Variants in PCDHGA12 observed in about 807,000 individuals in gnomAD.
PCDHGA12 encodes protocadherin gamma subfamily A, 12.
A neutral mutation model predicts 61.1 loss-of-function variants in PCDHGA12; 43 were observed. That is an observed-to-expected ratio of 0.70 (90% confidence interval 0.55 to 0.91). The LOEUF (loss-of-function observed/expected upper bound fraction) is 0.91. Ranked by LOEUF, PCDHGA12 falls within the 40% of genes least tolerant of loss-of-function variation. The pLI is 0.00. For synonymous variants in PCDHGA12, 520 were observed against 542.9 expected (o/e 0.96, Z 0.59); for missense variants, 1,236 against 1,227.7 (o/e 1.01, Z -0.10).
In PCDHGA12 at chr5:141,489,950, A is replaced by G; in HGVS notation, c.2425-4857A>G. 2 of 1,614,192 alleles carry G rather than the reference A, an allele frequency of 1.2e-6. No individual in the cohort carries two copies. The highest frequency in any genetic ancestry group is 1.1e-5 in the South Asian group (1 of 91,088). ...TCTGTCATCGTGCTGGACATCAATG[A>G]TAATGCTCCAACCTTCCAATCCTCA... On this transcript the variant is annotated intron_variant, in intron 1 of 3. Transcript: ENST00000252085. The surrounding 1 kb of genome is among the most constrained non-coding windows in gnomAD (Gnocchi z 4.5).
intron 1 of PCDHGA12, among the ~76,000 whole-genome samples, chr5:141,481,126 A>G (rs2099532217): frequency 6.6e-6 from 1 of 152,222 alleles, no homozygotes. Context: ...CATTTAGCAT[A>G]TTTGTGAAGT....
Position 141,491,405 on chromosome 5 carries a change from A to C in PCDHGA12, c.2425-3402A>C. 6.2e-7 allele frequency: 1 copy of C among 1,614,096 alleles called. No individual in the cohort carries two copies. Among genetic ancestry groups the C allele is most frequent in the Non-Finnish European group, 8.5e-7 (1 of 1,179,998 alleles). On this transcript the variant is annotated intron_variant, in intron 1 of 3. Coordinates refer to ENST00000252085, the MANE Select transcript of PCDHGA12 (RefSeq NM_003735.3). This position sits in a 1 kb window ranked among gnomAD's most constrained non-coding sequence, Gnocchi z 6.9. ...GCGAAGTGCCTTCAGGGAAACGCAG[A>C]CGGGGACGGGGGTGGAGGGCAGTGC... is the stretch of plus-strand genomic sequence containing the variant.
In PCDHGA12 at chr5:141,510,992, T is replaced by C. The variant is rs879030278; in HGVS notation, c.2618T>C (p.Met873Thr). The change falls in exon 4 of 4, where the codon ATG (methionine) becomes ACG (threonine). Residue 873 changes from methionine to threonine, a missense_variant. By Grantham distance (81) the Met-to-Thr change is moderately conservative. Coordinates refer to ENST00000252085, the MANE Select transcript of PCDHGA12 (RefSeq NM_003735.3). ...SSTLGGGAGT[M>T]GLSARYGPQF... is the part of the protein sequence containing the mutation. ...ACCCTGGGAGGGGGTGCCGGCACCA[T>C]GGGATTGAGCGCCCGCTACGGACCC... The C allele has an allele frequency of 1.9e-6, 3 of 1,614,164 alleles. No individual in the cohort carries two copies. The highest frequency in any genetic ancestry group is 2.5e-6 in the Non-Finnish European group (3 of 1,180,006).
At chr5:141,453,932 C>T (rs57919166) in intron 1 of PCDHGA12, among the ~76,000 whole-genome samples, 2 of 152,296 alleles carry the variant, frequency 1.3e-5, no homozygotes, top group African/African-American at 4.8e-5. Context: ...TCACTGTGTG[C>T]CTATAATTTA....
chr5:141,511,267 C>G lies in PCDHGA12; in HGVS notation c.*94C>G. The G allele has an allele frequency of 6.5e-7, 1 of 1,549,404 alleles. No homozygotes were observed. The highest frequency in any genetic ancestry group is 8.7e-7 in the Non-Finnish European group (1 of 1,146,836). On this transcript the variant is annotated 3_prime_UTR_variant, in exon 4 of 4. Coordinates refer to ENST00000252085, the MANE Select transcript of PCDHGA12 (RefSeq NM_003735.3). Reference sequence around the variant, plus strand: ...CCAGGCCTCAGAGTTTCAGGGCTAACCCCCAGAATACTGGTAGGGGCCAAG... The same window carrying G: ...CCAGGCCTCAGAGTTTCAGGGCTAAGCCCCAGAATACTGGTAGGGGCCAAG...
intron 1 of PCDHGA12, among the ~76,000 whole-genome samples, chr5:141,452,835 C>A (rs2098750110): frequency 6.6e-6 from 1 of 152,154 alleles, no homozygotes; most frequent in Admixed American, 6.5e-5. Flanking sequence ...TCACTTGGTC[C>A]AGCCCACACT....
chr5:141,503,260 C>A (rs2154593294), intron 2 of PCDHGA12, among the ~76,000 whole-genome samples: 1 of 152,178 alleles, frequency 6.6e-6, no homozygotes, highest in African/African-American at 2.4e-5. Flanking sequence ...ACAGCCACAA[C>A]CCCAGCACCT....
At chr5:141,434,952 C>T (rs1362599956) in intron 1 of PCDHGA12, among the ~76,000 whole-genome samples, 2 of 151,756 alleles carry the variant, frequency 1.3e-5, no homozygotes, top group East Asian at 3.9e-4. Flanking sequence ...AATTTATTAA[C>T]AATTTATAAA....
intron 1 of PCDHGA12, among the ~76,000 whole-genome samples, chr5:141,443,812 G>A (rs1441798548): frequency 6.6e-6 from 1 of 151,990 alleles, no homozygotes; most frequent in Admixed American, 6.6e-5. Flanking sequence ...AGTTACCTTT[G>A]GAAAACATAA....
chr5:141,499,150 T>C (rs1424635509), intron 2 of PCDHGA12, among the ~76,000 whole-genome samples: 5 of 152,180 alleles, frequency 3.3e-5, no homozygotes, highest in Non-Finnish European at 1.5e-5. Context: ...CTGATCCCAA[T>C]AGCTGTTGTC....
Position 141,490,012 on chromosome 5 carries a change from G to A in PCDHGA12, c.2425-4795G>A. 1 of 1,614,232 alleles carries A rather than the reference G, an allele frequency of 6.2e-7. No homozygotes were observed. Among genetic ancestry groups the A allele is most frequent in the Non-Finnish European group, 8.5e-7 (1 of 1,180,044 alleles). ...GGGAATCCCAGAGAATGCACCCATT[G>A]GTACTCTGCTGCTCCGCCTCAATGC... is the stretch of plus-strand genomic sequence containing the variant. On this transcript the variant is annotated intron_variant, in intron 1 of 3. Transcript: ENST00000252085. This position sits in a 1 kb window ranked among gnomAD's most constrained non-coding sequence, Gnocchi z 5.4.
chr5:141,474,321 A>G (rs75620387), intron 1 of PCDHGA12, among the ~76,000 whole-genome samples: 2,046 of 152,326 alleles, frequency 0.013, 15 homozygotes, highest in Middle Eastern at 0.034. Context: ...GTGTTTTCAA[A>G]TCACCCTGAT....
chr5:141,475,950 C>A, intron 1 of PCDHGA12: 1 of 761,530 alleles, frequency 1.3e-6, no homozygotes, highest in African/African-American at 1.7e-5. Flanking sequence ...CCCCTTTCTG[C>A]GCCCCGGGAT....
At position 141,432,009 on chromosome 5, in the gene PCDHGA12, G is replaced by T. The variant is rs1227754190; in HGVS notation, c.1250G>T (p.Ser417Ile). ...GTCTTGGATAGGGAACAGGTTCCTAGCTACAACATCACAGTGACCGCCACT... is the reference window on the plus strand; with the variant it reads ...GTCTTGGATAGGGAACAGGTTCCTATCTACAACATCACAGTGACCGCCACT... ...DIVLDREQVP[S>I]YNITVTATDR... The change falls in exon 1 of 4, where the codon AGC becomes ATC. Residue 417 changes from serine to isoleucine, a missense_variant. By Grantham distance (142) the Ser-to-Ile change is moderately radical. Transcript: ENST00000252085. The surrounding 1 kb of genome is among the most constrained non-coding windows in gnomAD (Gnocchi z 6.0). 1 of 1,614,070 alleles carries T rather than the reference G, an allele frequency of 6.2e-7. No homozygotes were observed. The highest frequency in any genetic ancestry group is 8.5e-7 in the Non-Finnish European group (1 of 1,180,032).
chr5:141,460,936 A>G (rs189741735), intron 1 of PCDHGA12, among the ~76,000 whole-genome samples: 31 of 149,318 alleles, frequency 2.1e-4, no homozygotes, highest in Non-Finnish European at 3.8e-4. Flanking sequence ...GTGTGTGTGT[A>G]TATATATGTA....
chr5:141,433,098 T>G lies in PCDHGA12; in HGVS notation c.2339T>G (p.Val780Gly). 1 of 1,614,204 alleles carries G rather than the reference T, an allele frequency of 6.2e-7. No individual in the cohort carries two copies. Among genetic ancestry groups the G allele is most frequent in the Non-Finnish European group, 8.5e-7 (1 of 1,180,028 alleles). The change falls in exon 1 of 4, where the codon GTC becomes GGC. Residue 780 changes from valine to glycine, a missense_variant. Transcript: ENST00000252085. The part of the protein sequence containing the change: ...FPQPNYADML[V>G]SQESFEKSEP... ...CAGCCCAACTATGCAGACATGCTCG[T>G]CAGCCAGGAGAGCTTTGAAAAAAGC...
chr5:141,482,736 C>T (rs897817817), intron 1 of PCDHGA12, among the ~76,000 whole-genome samples: 6 of 152,056 alleles, frequency 3.9e-5, no homozygotes, highest in African/African-American at 1.2e-4. Context: ...GCAAGAAATT[C>T]CATGCAGAGG....
At chr5:141,473,750 G>C (rs777343462) in intron 1 of PCDHGA12, among the ~76,000 whole-genome samples, 1 of 152,192 alleles carries the variant, frequency 6.6e-6, no homozygotes, top group Non-Finnish European at 1.5e-5. Context: ...TGAGAACTTG[G>C]ATACTATGCA....
intron 1 of PCDHGA12, among the ~76,000 whole-genome samples, chr5:141,464,625 T>C (rs1477206347): frequency 6.6e-6 from 1 of 152,190 alleles, no homozygotes; most frequent in East Asian, 1.9e-4. Context: ...TGTCAAGCTT[T>C]TTAATTGTTG....
Sources: gnomAD v4.1 joint callset for allele counts (sites outside exome capture counted in the v4.1 genomes callset) on GRCh38, gnomAD v4.1.1 for gene constraint, Gnocchi (gnomAD v3.1) non-coding constraint, MANE v1.5 for transcripts, NCBI Gene and HGNC (gene_info 2026-07-23, HGNC 2026-07-21) for gene names.